Variants in KIAA0825 observed in about 807,000 individuals in gnomAD.
The protein encoded by KIAA0825 is uncharacterized protein KIAA0825.
Under a neutral mutation model 147.6 loss-of-function variants are expected in KIAA0825, and 119 were observed. That is an observed-to-expected ratio of 0.81 (90% CI 0.69 to 0.94). The LOEUF (loss-of-function observed/expected upper bound fraction) is 0.94. Ranked by LOEUF, KIAA0825 falls within the 40% of genes least tolerant of loss-of-function variation. The pLI, the probability that KIAA0825 is intolerant of heterozygous loss-of-function variation, is 0.00. For missense variants in KIAA0825, 1,381 were observed against 1,472.7 expected (o/e 0.94, Z 1.02); for synonymous variants, 470 against 518.1 (o/e 0.91, Z 1.26).
chr5:94,591,030 A>C (rs1202038485), intron 1 of KIAA0825, among the ~76,000 whole-genome samples: 1 of 152,206 alleles, frequency 6.6e-6, no homozygotes, highest in Non-Finnish European at 1.5e-5. Flanking sequence ...TAGGAAGCTC[A>C]AGCAGCATAC....
chr5:94,164,306 T>A (rs1298549826), intron 20 of KIAA0825, among the ~76,000 whole-genome samples: 2 of 152,146 alleles, frequency 1.3e-5, no homozygotes, highest in East Asian at 3.8e-4. Flanking sequence ...CAAATTATAT[T>A]ACAGAGGTAT....
intron 20 of KIAA0825, among the ~76,000 whole-genome samples, chr5:94,228,463 G>A (rs1312914414): frequency 6.6e-6 from 1 of 152,130 alleles, no homozygotes; most frequent in Non-Finnish European, 1.5e-5. Flanking sequence ...GTATTACCAA[G>A]GACTCAGGCT....
chr5:94,175,709 G>T (rs1437192952), intron 20 of KIAA0825, among the ~76,000 whole-genome samples: 1 of 152,112 alleles, frequency 6.6e-6, no homozygotes, highest in African/African-American at 2.4e-5. Flanking sequence ...TCAAGTTAAA[G>T]AATTTCCTTC....
intron 20 of KIAA0825, among the ~76,000 whole-genome samples, chr5:94,275,222 A>G (rs1200017879): frequency 3.3e-5 from 5 of 152,174 alleles, no homozygotes; most frequent in Non-Finnish European, 7.4e-5. Flanking sequence ...ATATACAGAT[A>G]TAACACAAAG....
intron 8 of KIAA0825, among the ~76,000 whole-genome samples, chr5:94,473,002 C>T (rs945479119): frequency 2.6e-5 from 4 of 152,102 alleles, no homozygotes; most frequent in Non-Finnish European, 4.4e-5. Flanking sequence ...GTCATTCAAA[C>T]GTATAATCAA....
chr5:94,589,791 T>C (rs1033534949), intron 1 of KIAA0825, among the ~76,000 whole-genome samples: 4 of 151,806 alleles, frequency 2.6e-5, no homozygotes, highest in Admixed American at 6.6e-5. Context: ...GCACAAATAA[T>C]GAGCTTTATT....
At chr5:94,196,255 T>G (rs954938795) in intron 20 of KIAA0825, among the ~76,000 whole-genome samples, 1 of 152,160 alleles carries the variant, frequency 6.6e-6, no homozygotes, top group Non-Finnish European at 1.5e-5. Flanking sequence ...TCAGCTCTAC[T>G]CCCCTGCTAA....
At chr5:94,369,354 A>T (rs1389160026) in intron 20 of KIAA0825, among the ~76,000 whole-genome samples, 3 of 152,146 alleles carry the variant, frequency 2.0e-5, no homozygotes, top group Non-Finnish European at 4.4e-5. Context: ...TAGAATTTTT[A>T]AAAAATAGAA....
chr5:94,501,736 G>C (rs1765113222), intron 5 of KIAA0825, among the ~76,000 whole-genome samples: 1 of 152,048 alleles, frequency 6.6e-6, no homozygotes, highest in South Asian at 2.1e-4. Flanking sequence ...GTAGTTAAAG[G>C]TATATTTGTT....
chr5:94,338,302 G>A (rs956731222), intron 20 of KIAA0825, among the ~76,000 whole-genome samples: 1 of 113,516 alleles, frequency 8.8e-6, no homozygotes, highest in Non-Finnish European at 1.9e-5. Context: ...CTTGAGTCAG[G>A]ATAGATAGCT....
At chr5:94,205,299 A>ATATATATATATATTTT (rs1254935243) in intron 20 of KIAA0825, among the ~76,000 whole-genome samples, 4 of 137,912 alleles carry the variant, frequency 2.9e-5, no homozygotes, top group African/African-American at 8.3e-5. Context: ...ATATATATAT[A>ATATATATATATATTTT]TTTTGTTTTG....
chr5:94,190,284 T>C (rs1770549323), intron 20 of KIAA0825, among the ~76,000 whole-genome samples: 1 of 152,166 alleles, frequency 6.6e-6, no homozygotes, highest in South Asian at 2.1e-4. Context: ...GCTTGTCTTA[T>C]TGCACTGGCC....
chr5:94,518,708 G>GAA (rs774990032), intron 5 of KIAA0825, among the ~76,000 whole-genome samples: 2 of 152,072 alleles, frequency 1.3e-5, no homozygotes, highest in Non-Finnish European at 2.9e-5. Context: ...TCATATCAAA[G>GAA]TTCAGATAAA....
chr5:94,259,477 T>C (rs934751309), intron 20 of KIAA0825, among the ~76,000 whole-genome samples: 2 of 152,038 alleles, frequency 1.3e-5, no homozygotes, highest in South Asian at 4.1e-4. Context: ...ACACTACTGT[T>C]AAACAAATTG....
intron 20 of KIAA0825, among the ~76,000 whole-genome samples, chr5:94,279,500 AT>A (rs1260525489): frequency 3.3e-5 from 5 of 152,200 alleles, no homozygotes; most frequent in Admixed American, 3.3e-4. Context: ...AGTCGGTTAG[AT>A]CTTAAAAATC....
chr5:94,163,578 T>A (rs1316272480), intron 20 of KIAA0825, among the ~76,000 whole-genome samples: 1 of 152,166 alleles, frequency 6.6e-6, no homozygotes, highest in Non-Finnish European at 1.5e-5. Flanking sequence ...GTAAAGAGGA[T>A]GTTATTATAG....
At chr5:94,222,849 A>C (rs1773791603) in intron 20 of KIAA0825, among the ~76,000 whole-genome samples, 1 of 152,200 alleles carries the variant, frequency 6.6e-6, no homozygotes, top group South Asian at 2.1e-4. Flanking sequence ...TTTATTGTAT[A>C]TATTTAAGAT....
At chr5:94,473,165 T>C (rs757450714) in intron 8 of KIAA0825, 127 bp downstream of exon 8, 8 of 688,472 alleles carry the variant, frequency 1.2e-5, no homozygotes, top group Admixed American at 2.8e-5. Context: ...AAACTGGTAC[T>C]GGGTCAAGTA....
At chr5:94,220,800 A>G (rs1231367674) in intron 20 of KIAA0825, among the ~76,000 whole-genome samples, 1 of 152,190 alleles carries the variant, frequency 6.6e-6, no homozygotes, top group Non-Finnish European at 1.5e-5. Flanking sequence ...TGGTTCTTTT[A>G]TACATTCCAT....
Sources: allele counts gnomAD v4.1 joint callset (sites outside exome capture counted in the v4.1 genomes callset), GRCh38; gene constraint gnomAD v4.1.1; transcripts MANE v1.5; gene names NCBI Gene and HGNC (gene_info 2026-07-23, HGNC 2026-07-21).